RSRC1: variants seen among roughly 807,000 people sequenced by gnomAD.
RSRC1 encodes serine/Arginine-related protein 53.
RSRC1 carries 39 observed loss-of-function variants against 49.1 expected under a neutral mutation model. The ratio of observed to expected loss-of-function variants is 0.79; its 90% confidence interval spans 0.61 to 1.04. RSRC1 has a LOEUF of 1.04. Among genes scored for constraint, RSRC1 ranks in the 50% least tolerant of loss-of-function variants. The pLI, the probability that RSRC1 is intolerant of heterozygous loss-of-function variation, is 0.00. For missense variants in RSRC1, 388 were observed against 402.4 expected (o/e 0.96, Z 0.31); for synonymous variants, 143 against 130.8 (o/e 1.09, Z -0.63).
At chr3:158,379,337 A>G (rs1165048229) in intron 6 of RSRC1, among the ~76,000 whole-genome samples, 1 of 151,086 alleles carries the variant, frequency 6.6e-6, no homozygotes, top group Non-Finnish European at 1.5e-5. Context: ...AGTAGCTGGG[A>G]CTATAGGCAC....
In RSRC1 at chr3:158,460,927, T is replaced by C. The variant is rs1397717711; in HGVS notation, c.584-8T>C. ...ATAAGTACAAAAATTGTATTGTTTT[T>C]GTTTCAGCAAAAGCTGATGAAGCAT... On this transcript the variant is annotated splice_region_variant and splice_polypyrimidine_tract_variant and intron_variant, in intron 6 of 9. Transcript: ENST00000611884. The C allele has an allele frequency of 3.2e-6, 5 of 1,578,366 alleles. No homozygotes were observed. In the African/African-American group the frequency reaches 5.4e-5, roughly 17 times the overall value.
intron 6 of RSRC1, among the ~76,000 whole-genome samples, chr3:158,361,924 T>C (rs771385359): frequency 4.6e-5 from 7 of 152,220 alleles, no homozygotes; most frequent in Non-Finnish European, 1.0e-4. Context: ...TGAATTCTTT[T>C]AGTCCTGTCT....
intron 7 of RSRC1, among the ~76,000 whole-genome samples, chr3:158,470,299 C>T (rs1441407444): frequency 6.8e-6 from 1 of 147,364 alleles, no homozygotes; most frequent in African/African-American, 2.5e-5. Context: ...GAAAATTAGC[C>T]TTGTTTTTCT....
intron 6 of RSRC1, among the ~76,000 whole-genome samples, chr3:158,390,005 A>G (rs1242824874): frequency 6.6e-6 from 1 of 152,184 alleles, no homozygotes; most frequent in South Asian, 2.1e-4. Context: ...CATTTGACAA[A>G]TATCCTTAGA....
At chr3:158,360,527 G>T in intron 6 of RSRC1, among the ~76,000 whole-genome samples, 1 of 152,198 alleles carries the variant, frequency 6.6e-6, no homozygotes, top group African/African-American at 2.4e-5. Context: ...GGCACCTGCA[G>T]GCCAGTGCCC....
chr3:158,110,659 C>T (rs1714322399), intron 1 of RSRC1: 1 of 152,454 alleles, frequency 6.6e-6, no homozygotes, highest in African/African-American at 2.4e-5. Flanking sequence ...CCATCCACTC[C>T]ACTGTCCCTG....
At chr3:158,425,847 C>G (rs554921730) in intron 6 of RSRC1, among the ~76,000 whole-genome samples, 20 of 151,534 alleles carry the variant, frequency 1.3e-4, no homozygotes, top group African/African-American at 4.8e-4. Flanking sequence ...AGCAAATTGC[C>G]AAGTTTAATC....
At chr3:158,401,974 T>A (rs548055632) in intron 6 of RSRC1, among the ~76,000 whole-genome samples, 2 of 151,982 alleles carry the variant, frequency 1.3e-5, no homozygotes, top group Non-Finnish European at 2.9e-5. Flanking sequence ...GTATACTAAG[T>A]GTTATAGTAC....
intron 6 of RSRC1, among the ~76,000 whole-genome samples, chr3:158,387,894 T>A (rs1406885945): frequency 6.6e-6 from 1 of 152,130 alleles, no homozygotes; most frequent in East Asian, 1.9e-4. Context: ...TCTTAAGGCA[T>A]CTCAGTGACA....
intron 4 of RSRC1, among the ~76,000 whole-genome samples, chr3:158,218,482 C>T (rs1184779830): frequency 2.6e-5 from 4 of 151,568 alleles, no homozygotes; most frequent in Non-Finnish European, 5.9e-5. Context: ...ATCATTGGAA[C>T]AATGGTGAGA....
At chr3:158,359,902 G>A (rs1731375614) in intron 6 of RSRC1, among the ~76,000 whole-genome samples, 1 of 152,150 alleles carries the variant, frequency 6.6e-6, no homozygotes, top group Non-Finnish European at 1.5e-5. Context: ...CAGCTCAGAG[G>A]GGACTGGCAG....
intron 6 of RSRC1, among the ~76,000 whole-genome samples, chr3:158,393,877 A>C (rs1010194702): frequency 2.0e-5 from 3 of 152,020 alleles, no homozygotes; most frequent in Non-Finnish European, 4.4e-5. Flanking sequence ...GGCCAAAGTC[A>C]TTGATGAATG....
intron 1 of RSRC1, among the ~76,000 whole-genome samples, chr3:158,117,159 A>G (rs898339921): frequency 2.0e-5 from 3 of 152,086 alleles, no homozygotes; most frequent in African/African-American, 7.2e-5. Flanking sequence ...TATGCCTTTT[A>G]TTGTGCTACC....
At chr3:158,387,411 A>G (rs1217114313) in intron 6 of RSRC1, among the ~76,000 whole-genome samples, 1 of 152,188 alleles carries the variant, frequency 6.6e-6, no homozygotes, top group Non-Finnish European at 1.5e-5. Context: ...AGTAAGAGAC[A>G]GAAACAGCCT....
intron 6 of RSRC1, among the ~76,000 whole-genome samples, chr3:158,388,637 G>T (rs1176287559): frequency 2.0e-5 from 3 of 146,688 alleles, no homozygotes; most frequent in Non-Finnish European, 4.4e-5. Context: ...TTGAGACTGA[G>T]TCTCGCTCTG....
chr3:158,177,212 A>G (rs1193283253), intron 3 of RSRC1, among the ~76,000 whole-genome samples: 3 of 152,340 alleles, frequency 2.0e-5, no homozygotes, highest in Non-Finnish European at 4.4e-5. Context: ...AATTAGTTCA[A>G]CCATTGTGGA....
Position 158,230,326 on chromosome 3 carries a change from T to C in RSRC1, c.494+27081T>C, listed in dbSNP as rs533164084. Among the ~76,000 whole-genome samples, 4 of 152,264 alleles carry C rather than the reference T, an allele frequency of 2.6e-5. No homozygotes were observed. The South Asian group carries it at 8.3e-4, about 32-fold the overall frequency. ...TTGGTTTGCCCCATTAATGGCAATG[T>C]TAACTTTGATCATTTCATGAAGGTC... On this transcript the variant is annotated intron_variant, in intron 4 of 9. Coordinates refer to ENST00000611884, the MANE Select transcript of RSRC1 (RefSeq NM_001271838.2).
At chr3:158,488,325 C>T (rs11710813) in intron 7 of RSRC1, among the ~76,000 whole-genome samples, 30,407 of 151,994 alleles carry the variant, frequency 0.2, 3,478 homozygotes, top group South Asian at 0.27. Context: ...CTTTGTTTTT[C>T]TTACTGTTAT....
At chr3:158,321,297 CTCT>C (rs978249830) in intron 5 of RSRC1, among the ~76,000 whole-genome samples, 9 of 136,740 alleles carry the variant, frequency 6.6e-5, no homozygotes, top group Admixed American at 4.5e-4. Context: ...CCTCCTCCTC[CTCT>C]TCTTCCTCTT....
Sources: allele counts gnomAD v4.1 joint callset (sites outside exome capture counted in the v4.1 genomes callset), GRCh38; gene constraint gnomAD v4.1.1; transcripts MANE v1.5; gene names NCBI Gene and HGNC (gene_info 2026-07-23, HGNC 2026-07-21).